The following AGBL1 variants were observed in gnomAD, a reference collection of about 807,000 sequenced individuals.
AGBL1 encodes the protein cytosolic carboxypeptidase 4.
In AGBL1, 130 loss-of-function variants were observed where a neutral mutation model predicts 118.9. The observed-to-expected ratio is 1.09, with a 90% CI of 0.95 to 1.26. The LOEUF (loss-of-function observed/expected upper bound fraction) is 1.26. Ranked by LOEUF, AGBL1 falls within the 50% of genes most tolerant of loss-of-function variation. The pLI is 0.00. For synonymous variants in AGBL1, 555 were observed against 478.9 expected (o/e 1.16, Z -2.08); for missense variants, 1,584 against 1,298.1 (o/e 1.22, Z -3.38).
chr15:86,114,364 T>A (rs778721245), intron 1 of AGBL1, among the ~76,000 whole-genome samples: 13 of 152,162 alleles, frequency 8.5e-5, no homozygotes, highest in Non-Finnish European at 1.3e-4. Flanking sequence ...CCAACTGAAC[T>A]TGTGGGAGGT....
In AGBL1 at chr15:86,908,410, G is replaced by A. The variant is rs1329577735; in HGVS notation, c.*1116G>A. The A allele has an allele frequency of 6.6e-6, 1 of 152,272 alleles. No homozygotes were observed. Among genetic ancestry groups the A allele is most frequent in the Non-Finnish European group, 1.5e-5 (1 of 68,130 alleles). The allele number at this position is 152,272 out of a possible 1,614,324, so 9.4% of individuals were successfully genotyped here. On this transcript the variant is annotated 3_prime_UTR_variant, in exon 23 of 23. Coordinates refer to ENST00000614907, the MANE Select transcript of AGBL1 (RefSeq NM_001386094.1). ...TGTAATCCCAGCTACTTGGGAGGCT[G>A]AGAAAGGAGAATCGCTTGAACTTGG...
intron 17 of AGBL1, among the ~76,000 whole-genome samples, chr15:86,361,796 A>G (rs919505435): frequency 3.0e-4 from 45 of 152,272 alleles, no homozygotes; most frequent in African/African-American, 1.1e-3. Flanking sequence ...CACATGGAAT[A>G]TCTTTTTCTA....
chr15:86,334,343 A>G (rs1054486481), intron 17 of AGBL1, among the ~76,000 whole-genome samples: 10 of 152,092 alleles, frequency 6.6e-5, no homozygotes, highest in Non-Finnish European at 1.2e-4. Flanking sequence ...AAATCAATGT[A>G]CAAAAATCAG....
chr15:86,281,101 G>A (rs1291741078), intron 16 of AGBL1, among the ~76,000 whole-genome samples: 1 of 152,140 alleles, frequency 6.6e-6, no homozygotes, highest in Admixed American at 6.5e-5. Context: ...AGTCTACTGT[G>A]GGCTGGGCAC....
intron 22 of AGBL1, among the ~76,000 whole-genome samples, chr15:86,876,608 A>C (rs981692572): frequency 2.0e-5 from 3 of 152,180 alleles, no homozygotes; most frequent in African/African-American, 7.2e-5. Context: ...TGGCAAAGTT[A>C]TTCTGCAAAG....
In AGBL1 at chr15:86,923,678, C is replaced by G. The variant is rs575293987; in HGVS notation, c.3222-64309C>G. ...CTGCAAGTACACTATTCCCTGAAAGCAAGGTTATGTCTTTTTTATATCATT... is the reference window on the plus strand; with the variant it reads ...CTGCAAGTACACTATTCCCTGAAAGGAAGGTTATGTCTTTTTTATATCATT... On this transcript the variant is annotated intron_variant, in intron 23 of 24. Coordinates refer to the AGBL1 transcript ENST00000441037. 7.2e-5 allele frequency among the ~76,000 whole-genome samples: 11 copies of G among 152,286 alleles called. No individual in the cohort carries two copies. The East Asian group carries it at 1.9e-3, about 27-fold the overall frequency.
intron 22 of AGBL1, among the ~76,000 whole-genome samples, chr15:86,882,368 T>C (rs1349425423): frequency 6.6e-6 from 1 of 152,214 alleles, no homozygotes; most frequent in Non-Finnish European, 1.5e-5. Flanking sequence ...AACATCTCTA[T>C]GTACACATTT....
chr15:87,018,485 C>G (rs539557315), intron 24 of AGBL1, among the ~76,000 whole-genome samples: 36 of 152,122 alleles, frequency 2.4e-4, no homozygotes, highest in Admixed American at 1.2e-3. Flanking sequence ...AAATTTCCAA[C>G]CCAGAAATTT....
intron 17 of AGBL1, among the ~76,000 whole-genome samples, chr15:86,384,115 T>C (rs1380161098): frequency 2.0e-5 from 3 of 152,138 alleles, no homozygotes; most frequent in Non-Finnish European, 2.9e-5. Context: ...GTGGGCTCCA[T>C]TGAGGTAGTG....
intron 21 of AGBL1, among the ~76,000 whole-genome samples, chr15:86,636,562 CTT>C (rs2085089752): frequency 6.7e-6 from 1 of 149,328 alleles, no homozygotes; most frequent in Non-Finnish European, 1.5e-5. Context: ...CAGAGTAAAA[CTT>C]TTTCCCTTAT....
At chr15:86,162,121 C>T (rs944800397) in intron 5 of AGBL1, among the ~76,000 whole-genome samples, 2 of 152,178 alleles carry the variant, frequency 1.3e-5, no homozygotes, top group East Asian at 3.9e-4. Context: ...AGAATAGTAA[C>T]TAAGACATAC....
At chr15:86,327,380 G>T (rs1291431570) in intron 17 of AGBL1, among the ~76,000 whole-genome samples, 1 of 152,214 alleles carries the variant, frequency 6.6e-6, no homozygotes, top group Non-Finnish European at 1.5e-5. Context: ...ATGTTAGCTA[G>T]ATATGTTGTC....
At chr15:86,163,779 TA>T (rs539429306) in intron 5 of AGBL1, among the ~76,000 whole-genome samples, 4 of 152,092 alleles carry the variant, frequency 2.6e-5, no homozygotes, top group East Asian at 1.9e-4. Flanking sequence ...AGAAATATTT[TA>T]AAAAAAATTA....
At chr15:87,017,260 C>T (rs1271053609) in intron 24 of AGBL1, among the ~76,000 whole-genome samples, 1 of 152,102 alleles carries the variant, frequency 6.6e-6, no homozygotes, top group Non-Finnish European at 1.5e-5. Flanking sequence ...CACAACACAG[C>T]ACAATTCTGC....
chr15:87,012,240 T>C (rs1356606399), intron 24 of AGBL1, among the ~76,000 whole-genome samples: 1 of 147,672 alleles, frequency 6.8e-6, no homozygotes, highest in East Asian at 2.0e-4. Flanking sequence ...CTTGCATATC[T>C]GCTCATTATT....
intron 21 of AGBL1, among the ~76,000 whole-genome samples, chr15:86,668,177 C>T (rs1362768676): frequency 6.6e-6 from 1 of 152,210 alleles, no homozygotes; most frequent in Non-Finnish European, 1.5e-5. Context: ...CAGACCCCAC[C>T]TCCAACATTG....
At chr15:86,579,698 C>T (rs1039150430) in intron 21 of AGBL1, among the ~76,000 whole-genome samples, 1 of 152,150 alleles carries the variant, frequency 6.6e-6, no homozygotes, top group African/African-American at 2.4e-5. Context: ...TCACAGCTGT[C>T]TTTTAACATG....
rs765556278 is a variant in AGBL1 at position 86,401,637 on chromosome 15, G to A, written c.2555+4091G>A. Reference sequence around the variant, plus strand: ...GAGTTGATTTTTATATAAGGTGAAAGATGAGGATCTAGTTTCCTTCTTCTA... The same window carrying A: ...GAGTTGATTTTTATATAAGGTGAAAAATGAGGATCTAGTTTCCTTCTTCTA... On this transcript the variant is annotated intron_variant, in intron 18 of 22. Transcript: ENST00000614907. 2.6e-5 allele frequency among the ~76,000 whole-genome samples: 4 copies of A among 152,134 alleles called. No individual in the cohort carries two copies. The East Asian group carries it at 7.7e-4, about 29-fold the overall frequency.
chr15:86,098,842 G>A (rs1388247475), intron 1 of AGBL1, among the ~76,000 whole-genome samples: 2 of 151,788 alleles, frequency 1.3e-5, no homozygotes, highest in African/African-American at 2.4e-5. Flanking sequence ...TTTTAATTCT[G>A]TGAAAAATAA....
Sources: gnomAD v4.1 joint callset for allele counts (sites outside exome capture counted in the v4.1 genomes callset) on GRCh38, gnomAD v4.1.1 for gene constraint, MANE v1.5 for transcripts, NCBI Gene and HGNC (gene_info 2026-07-23, HGNC 2026-07-21) for gene names.